AGPAT3: variants seen among roughly 807,000 people sequenced by gnomAD.
AGPAT3 encodes 1-acyl-sn-glycerol-3-phosphate acyltransferase gamma.
Under a neutral mutation model 47.3 loss-of-function variants are expected in AGPAT3, and 5 were observed. The ratio of observed to expected loss-of-function variants is 0.11; its 90% CI spans 0.06 to 0.22. The LOEUF is 0.22. AGPAT3 is among the 10% of genes least tolerant of loss of function. AGPAT3 has a pLI of 1.00. For synonymous variants in AGPAT3, 212 were observed against 208.3 expected, an observed-to-expected ratio of 1.02 and a Z score of -0.15; for missense variants, 315 against 493.0, an observed-to-expected ratio of 0.64 and a Z score of 3.42.
intron 3 of AGPAT3, among the ~76,000 whole-genome samples, chr21:43,960,304 G>C (rs2088768339): frequency 6.6e-6 from 1 of 152,320 alleles, no homozygotes; most frequent in East Asian, 1.9e-4. Flanking sequence ...ATGTGTAGCT[G>C]TGTGTCTGTC....
chr21:43,955,143 A>T lies in AGPAT3; in HGVS notation c.-48-4491A>T, dbSNP rs1484804523. 7.8e-7 allele frequency: 1 copy of T among 1,277,546 alleles called. No homozygotes were observed. Among genetic ancestry groups the T allele is most frequent in the South Asian group, 1.3e-5 (1 of 79,314 alleles). The allele number at this position is 1,277,546 out of a possible 1,614,324, so 79.1% of individuals were successfully genotyped here. A position where few individuals can be genotyped will look rare whatever the true frequency, so the allele number is the denominator to read the frequency against. ...CGTGGGGGTCACTCAGCAGCCACGG[A>T]TGCGCCCTGGGTGCTGTCCCGGGGC... On this transcript the variant is annotated intron_variant, in intron 2 of 9. Coordinates refer to ENST00000291572, the MANE Select transcript of AGPAT3 (RefSeq NM_020132.5). The surrounding 1 kb of genome is among the most constrained non-coding windows in gnomAD (Gnocchi z 4.1).
At position 43,932,234 on chromosome 21, in the gene AGPAT3, C is replaced by T. The variant is rs1334201152; in HGVS notation, c.-48-27400C>T. 6.6e-6 allele frequency among the ~76,000 whole-genome samples: 1 copy of T among 152,134 alleles called. No homozygotes were observed. The highest frequency in any genetic ancestry group is 1.5e-5 in the Non-Finnish European group (1 of 68,010). ...TCCCTCCAGTCTAACTGAAACTGCT[C>T]CCTTTGATCAGCACCTCCCCTGCCC... On this transcript the variant is annotated intron_variant, in intron 2 of 9. Transcript: ENST00000291572. This position sits in a 1 kb window ranked among gnomAD's most constrained non-coding sequence, Gnocchi z 5.2.
chr21:43,923,378 A>AT (rs1478130340), intron 2 of AGPAT3, among the ~76,000 whole-genome samples: 1 of 152,048 alleles, frequency 6.6e-6, no homozygotes, highest in Non-Finnish European at 1.5e-5. Context: ...GGAAAGAAAG[A>AT]TTTTCTCCCT....
Position 43,981,830 on chromosome 21 carries a change from C to A in AGPAT3, c.1043-474C>A, listed in dbSNP as rs2089863310. On this transcript the variant is annotated intron_variant, in intron 9 of 9. Coordinates refer to ENST00000291572, the MANE Select transcript of AGPAT3 (RefSeq NM_020132.5). This position sits in a 1 kb window ranked among gnomAD's most constrained non-coding sequence, Gnocchi z 5.3. ...TGCTCCTGCCGCCCCTGCCAGGGGCCTTGGTGGGAGGGGTCCTGAGAGGCA... is the reference window on the plus strand; with the variant it reads ...TGCTCCTGCCGCCCCTGCCAGGGGCATTGGTGGGAGGGGTCCTGAGAGGCA... Among the ~76,000 whole-genome samples, 1 of 151,862 alleles carries A rather than the reference C, an allele frequency of 6.6e-6. No homozygotes were observed. The highest frequency in any genetic ancestry group is 1.5e-5 in the Non-Finnish European group (1 of 67,770).
intron 1 of AGPAT3, among the ~76,000 whole-genome samples, chr21:43,884,675 ATGCTGGGTGGCCTGG>A (rs1049445929): frequency 1.4e-5 from 2 of 147,060 alleles, no homozygotes; most frequent in South Asian, 2.2e-4. Flanking sequence ...CTGGTGCTGG[ATGCTGGGTGGCCTGG>A]TGCTGGGTGG....
intron 2 of AGPAT3, chr21:43,948,128 C>T (rs1452511817): frequency 6.6e-6 from 1 of 152,202 alleles, no homozygotes; most frequent in Non-Finnish European, 1.5e-5. Context: ...AACACCGTTA[C>T]CTCTTGTCTT....
At position 43,985,470 on chromosome 21, in the gene AGPAT3, G is replaced by A. The variant is rs192039231; in HGVS notation, c.*3078G>A. The stretch of plus-strand genomic sequence containing the variant: ...GCCTTGCCTGTCCCGACTCCCTTTC[G>A]CGCACCGTGGCATGAGAATCTTTCC... On this transcript the variant is annotated 3_prime_UTR_variant, in exon 10 of 10. Coordinates refer to ENST00000291572, the MANE Select transcript of AGPAT3 (RefSeq NM_020132.5). The A allele has an allele frequency of 2.5e-5, 8 of 319,322 alleles. No individual in the cohort carries two copies. Among genetic ancestry groups the A allele is most frequent in the East Asian group, 1.8e-4 (2 of 11,246 alleles). The allele number at this position is 319,322 out of a possible 1,614,324, so 19.8% of individuals were successfully genotyped here. A position where few individuals can be genotyped will look rare whatever the true frequency, so the allele number is the denominator to read the frequency against.
chr21:43,982,614 T>G lies in AGPAT3; in HGVS notation c.*222T>G. The G allele has an allele frequency of 2.6e-6, 1 of 390,468 alleles. No individual in the cohort carries two copies. 24.2% of individuals were successfully genotyped at this position (390,468 alleles called of 1,614,324 possible). A position where few individuals can be genotyped will look rare whatever the true frequency, so the allele number is the denominator to read the frequency against. On this transcript the variant is annotated 3_prime_UTR_variant, in exon 10 of 10. Coordinates refer to ENST00000291572, the MANE Select transcript of AGPAT3 (RefSeq NM_020132.5). The surrounding 1 kb of genome is among the most constrained non-coding windows in gnomAD (Gnocchi z 6.2). Reference sequence around the variant, plus strand: ...GTCCCAGCATCTCCACGCGCGCCCGTGGGAGGTGGGTCCGGCCGGAGAGGC... The same window carrying G: ...GTCCCAGCATCTCCACGCGCGCCCGGGGGAGGTGGGTCCGGCCGGAGAGGC...
At chr21:43,911,126 G>A (rs1193233572) in intron 2 of AGPAT3, among the ~76,000 whole-genome samples, 2 of 152,172 alleles carry the variant, frequency 1.3e-5, no homozygotes, top group Non-Finnish European at 2.9e-5. Flanking sequence ...GCACCTACGT[G>A]TCATGACATC....
Position 43,922,003 on chromosome 21 carries a change from C to T in AGPAT3, c.-49+17984C>T, listed in dbSNP as rs1448572184. On this transcript the variant is annotated intron_variant, in intron 2 of 9. Coordinates refer to ENST00000291572, the MANE Select transcript of AGPAT3 (RefSeq NM_020132.5). This position sits in a 1 kb window ranked among gnomAD's most constrained non-coding sequence, Gnocchi z 4.9. ...GACATTCTTTTCCTGATTTCTCTGTCTCTCGATGCCATTTTTGTGAAGGTT... is the reference window on the plus strand; with the variant it reads ...GACATTCTTTTCCTGATTTCTCTGTTTCTCGATGCCATTTTTGTGAAGGTT... Among the ~76,000 whole-genome samples the T allele has an allele frequency of 6.6e-6, 1 of 152,182 alleles. No homozygotes were observed. Among genetic ancestry groups the T allele is most frequent in the Non-Finnish European group, 1.5e-5 (1 of 68,036 alleles).
chr21:43,894,022 C>T (rs1445849942), intron 1 of AGPAT3, among the ~76,000 whole-genome samples: 3 of 152,182 alleles, frequency 2.0e-5, no homozygotes, highest in Admixed American at 2.0e-4. Flanking sequence ...CTTCACGCTG[C>T]AAAAACTCAG....
chr21:43,866,281 C>A (rs2085505286), intron 1 of AGPAT3, among the ~76,000 whole-genome samples: 1 of 151,142 alleles, frequency 6.6e-6, no homozygotes, highest in Non-Finnish European at 1.5e-5. Context: ...GAAACATGAT[C>A]TTAGTAGAAG....
rs2088341375 is a variant in AGPAT3, at chr21:43,954,354, G to A, written c.-48-5280G>A. 6.6e-6 allele frequency among the ~76,000 whole-genome samples: 1 copy of A among 152,176 alleles called. No individual in the cohort carries two copies. The highest frequency in any genetic ancestry group is 6.5e-5 in the Admixed American group (1 of 15,274). ...CAGGGTACCTGCGAGGTCTGTGAGT[G>A]AAACTACACTGCTGGCTGGACAGAG... On this transcript the variant is annotated intron_variant, in intron 2 of 9. Coordinates refer to ENST00000291572, the MANE Select transcript of AGPAT3 (RefSeq NM_020132.5). This position sits in a 1 kb window ranked among gnomAD's most constrained non-coding sequence, Gnocchi z 4.0.
rs1449476013 is a variant in AGPAT3, at chr21:43,986,766, AT to A, written c.*4375del. ...CTTTTTCTATGATTGAAAATCTGCC[AT>A]CGCTGACTGTTGGCCAGTTTCAAAG... On this transcript the variant is annotated 3_prime_UTR_variant, in exon 10 of 10. Transcript: ENST00000291572. Among the ~76,000 whole-genome samples the A allele has an allele frequency of 3.3e-5, 5 of 152,352 alleles. No homozygotes were observed. The highest frequency in any genetic ancestry group is 3.3e-4 in the Admixed American group (5 of 15,302).
rs1372391647 is a variant in AGPAT3 at position 43,954,993 on chromosome 21, G to T, written c.-48-4641G>T. On this transcript the variant is annotated intron_variant, in intron 2 of 9. Transcript: ENST00000291572. This position sits in a 1 kb window ranked among gnomAD's most constrained non-coding sequence, Gnocchi z 4.0. ...AGGACGGTTGATAAAGTGGATTCTC[G>T]AGGGGAAGCTGCATCCACACAGAGG... 6 of 1,116,564 alleles carry T rather than the reference G, an allele frequency of 5.4e-6. No homozygotes were observed. Among genetic ancestry groups the T allele is most frequent in the East Asian group, 8.4e-5 (1 of 11,930 alleles). The allele number at this position is 1,116,564 out of a possible 1,614,324, so 69.2% of individuals were successfully genotyped here.
chr21:43,870,732 CAAAT>C (rs2085607092), intron 1 of AGPAT3, among the ~76,000 whole-genome samples: 1 of 152,106 alleles, frequency 6.6e-6, no homozygotes, highest in Non-Finnish European at 1.5e-5. Context: ...AATAAATAAA[CAAAT>C]AAATAAATGT....
intron 7 of AGPAT3, among the ~76,000 whole-genome samples, chr21:43,974,423 G>A (rs567472169): frequency 1.0e-3 from 150 of 149,856 alleles, no homozygotes; most frequent in Middle Eastern, 3.5e-3. Flanking sequence ...TATTTGTGGT[G>A]TGTGTTGAAC....
chr21:43,979,874 C>T (rs1470307140), intron 8 of AGPAT3, among the ~76,000 whole-genome samples: 1 of 152,106 alleles, frequency 6.6e-6, no homozygotes, highest in Non-Finnish European at 1.5e-5. Flanking sequence ...AGGGGGCACC[C>T]CAACCCCAGT....
Position 43,954,641 on chromosome 21 carries a change from G to A in AGPAT3, c.-48-4993G>A, listed in dbSNP as rs1414887472. On this transcript the variant is annotated intron_variant, in intron 2 of 9. Transcript: ENST00000291572. This position sits in a 1 kb window ranked among gnomAD's most constrained non-coding sequence, Gnocchi z 4.0. ...CTGTGGGCCGTGCAGACAGCTGGGG[G>A]ACACCGTCCCGGGTGTGACCTTGGG... The A allele has an allele frequency of 2.6e-5, 4 of 152,450 alleles. No individual in the cohort carries two copies. Among genetic ancestry groups the A allele is most frequent in the African/African-American group, 9.6e-5 (4 of 41,470 alleles). The allele number at this position is 152,450 out of a possible 1,614,324, so 9.4% of individuals were successfully genotyped here.
Sources: gnomAD v4.1 joint callset for allele counts (sites outside exome capture counted in the v4.1 genomes callset) on GRCh38, gnomAD v4.1.1 for gene constraint, Gnocchi (gnomAD v3.1) non-coding constraint, MANE v1.5 for transcripts, NCBI Gene and HGNC (gene_info 2026-07-23, HGNC 2026-07-21) for gene names.